AGAP1: variants seen among roughly 807,000 people sequenced by gnomAD.
AGAP1 encodes arf-GAP with GTPase, ANK repeat and PH domain-containing protein 1.
A neutral mutation model predicts 105.3 loss-of-function variants in AGAP1; 29 were observed. The observed-to-expected ratio is 0.28, with a 90% CI of 0.21 to 0.38. The LOEUF (loss-of-function observed/expected upper bound fraction) is 0.38. Ranked by LOEUF, AGAP1 falls within the 10% of genes least tolerant of loss-of-function variation. AGAP1 has a pLI of 1.00. For missense variants in AGAP1, 998 were observed against 1,165.1 expected (o/e 0.86, Z 2.09); for synonymous variants, 509 against 485.9 (o/e 1.05, Z -0.63).
chr2:235,589,766 A>G (rs560808574), intron 1 of AGAP1, among the ~76,000 whole-genome samples: 8 of 152,294 alleles, frequency 5.3e-5, no homozygotes, highest in African/African-American at 1.9e-4. Context: ...TTGTGTAGCC[A>G]GGAGAGCACG....
At chr2:235,738,520 C>A (rs2149648432) in intron 3 of AGAP1, among the ~76,000 whole-genome samples, 1 of 152,044 alleles carries the variant, frequency 6.6e-6, no homozygotes, top group Admixed American at 6.6e-5. Flanking sequence ...GAAAGAGGAA[C>A]AGATTTCCTT....
intron 2 of AGAP1, among the ~76,000 whole-genome samples, chr2:235,709,509 C>T (rs1217399690): frequency 7.3e-6 from 1 of 137,316 alleles, no homozygotes; most frequent in Non-Finnish European, 1.6e-5. Flanking sequence ...TCCTCTCTCT[C>T]ACATCTCGTG....
In AGAP1 at chr2:236,012,040, C is replaced by T. The variant is rs773652991; in HGVS notation, c.1646-24521C>T. On this transcript the variant is annotated intron_variant, in intron 13 of 17. Coordinates refer to ENST00000304032, the MANE Select transcript of AGAP1 (RefSeq NM_001037131.3). This position sits in a 1 kb window ranked among gnomAD's most constrained non-coding sequence, Gnocchi z 4.9. ...GGGAACTTAGAGCAATCAATGCCCC[C>T]GGAGACCGATGCACATATCAGGACC... Among the ~76,000 whole-genome samples, 4 of 152,170 alleles carry T rather than the reference C, an allele frequency of 2.6e-5. No homozygotes were observed. Among genetic ancestry groups the T allele is most frequent in the South Asian group, 2.1e-4 (1 of 4,800 alleles).
intron 9 of AGAP1, among the ~76,000 whole-genome samples, chr2:235,876,194 G>T: frequency 6.6e-6 from 1 of 151,992 alleles, no homozygotes; most frequent in East Asian, 1.9e-4. Context: ...GTTTTCCTAA[G>T]GTGAACATGA....
chr2:235,732,079 T>G lies in AGAP1; in HGVS notation c.311-8884T>G, dbSNP rs534327994. On this transcript the variant is annotated intron_variant, in intron 3 of 17. Transcript: ENST00000304032. The surrounding 1 kb of genome is among the most constrained non-coding windows in gnomAD (Gnocchi z 4.8). ...GTGAATCTGTGTCACATTTTCCTGGTGTATCGCGTGCACTTTTGATCTGCG... is the reference window on the plus strand; with the variant it reads ...GTGAATCTGTGTCACATTTTCCTGGGGTATCGCGTGCACTTTTGATCTGCG... Among the ~76,000 whole-genome samples the G allele has an allele frequency of 3.9e-5, 6 of 152,330 alleles. No homozygotes were observed. In the South Asian group the frequency reaches 1.2e-3, roughly 32 times the overall value.
At chr2:235,561,282 C>G (rs1056022696) in intron 1 of AGAP1, among the ~76,000 whole-genome samples, 2 of 152,120 alleles carry the variant, frequency 1.3e-5, no homozygotes, top group African/African-American at 4.8e-5. Context: ...TTAAACTGCC[C>G]ACAAACAAAT....
intron 1 of AGAP1, among the ~76,000 whole-genome samples, chr2:235,632,441 C>T (rs1249071359): frequency 2.0e-5 from 3 of 152,188 alleles, no homozygotes; most frequent in African/African-American, 4.8e-5. Context: ...TCGCCACGTC[C>T]ATTACGCTTG....
intron 1 of AGAP1, among the ~76,000 whole-genome samples, chr2:235,538,539 CTCTGCATAGGTT>C (rs141953148): frequency 0.01 from 1,540 of 151,652 alleles, 18 homozygotes; most frequent in African/African-American, 0.035. Context: ...CTGCACAGTT[CTCTGCATAGGTT>C]TCCGCACGCC....
rs1283741846 is a variant in AGAP1 at position 235,965,428 on chromosome 2, AGAAGCAATGGT to A, written c.1484-3029_1484-3019del. 6.6e-6 allele frequency among the ~76,000 whole-genome samples: 1 copy of A among 152,178 alleles called. No homozygotes were observed. The highest frequency in any genetic ancestry group is 2.4e-5 in the African/African-American group (1 of 41,444). On this transcript the variant is annotated intron_variant, in intron 12 of 17. Coordinates refer to ENST00000304032, the MANE Select transcript of AGAP1 (RefSeq NM_001037131.3). This position sits in a 1 kb window ranked among gnomAD's most constrained non-coding sequence, Gnocchi z 5.8. ...ACAGTGAAACAGTGTGCCGTTTTGA[AGAAGCAATGGT>A]GAAGGAAGCCAGACTTCAAGGAGTC...
Position 235,691,968 on chromosome 2 carries a change from C to T in AGAP1, c.164-17211C>T, listed in dbSNP as rs568879630. ...ATGTTTCAGAGAAATAACAGCATCA[C>T]GATAGCACATTCTCTAGTTGCTGGT... On this transcript the variant is annotated intron_variant, in intron 1 of 17. Coordinates refer to ENST00000304032, the MANE Select transcript of AGAP1 (RefSeq NM_001037131.3). The surrounding 1 kb of genome is among the most constrained non-coding windows in gnomAD (Gnocchi z 4.4). 5.9e-5 allele frequency among the ~76,000 whole-genome samples: 9 copies of T among 152,260 alleles called. No homozygotes were observed. Among genetic ancestry groups the T allele is most frequent in the Non-Finnish European group, 7.4e-5 (5 of 68,016 alleles).
At chr2:235,786,244 A>T (rs1213231819) in intron 6 of AGAP1, among the ~76,000 whole-genome samples, 1 of 152,200 alleles carries the variant, frequency 6.6e-6, no homozygotes, top group Non-Finnish European at 1.5e-5. Flanking sequence ...GTGAGAGAGA[A>T]AGTTAATCAT....
intron 6 of AGAP1, among the ~76,000 whole-genome samples, chr2:235,764,727 G>T (rs1178654204): frequency 7.4e-6 from 1 of 135,918 alleles, no homozygotes; most frequent in Non-Finnish European, 1.6e-5. Flanking sequence ...CCGTGGGGTG[G>T]GGGCATCTGG....
At chr2:236,039,645 G>A (rs1265654340) in intron 14 of AGAP1, among the ~76,000 whole-genome samples, 1 of 152,200 alleles carries the variant, frequency 6.6e-6, no homozygotes, top group African/African-American at 2.4e-5. Flanking sequence ...TCACTAAGTG[G>A]AATGCTATGC....
chr2:236,065,546 T>C (rs1394592169), intron 16 of AGAP1, among the ~76,000 whole-genome samples: 1 of 152,208 alleles, frequency 6.6e-6, no homozygotes, highest in Non-Finnish European at 1.5e-5. Flanking sequence ...TCGGCCAGCC[T>C]GTGGACAGTT....
At chr2:235,562,083 A>G (rs1944171612) in intron 1 of AGAP1, among the ~76,000 whole-genome samples, 1 of 152,164 alleles carries the variant, frequency 6.6e-6, no homozygotes, top group South Asian at 2.1e-4. Flanking sequence ...GTAGTGTTAC[A>G]CCTTTGCATG....
rs1483792784 is a variant in AGAP1, at chr2:236,012,880, G to A, written c.1646-23681G>A. Among the ~76,000 whole-genome samples, 1 of 152,098 alleles carries A rather than the reference G, an allele frequency of 6.6e-6. No homozygotes were observed. The highest frequency in any genetic ancestry group is 1.5e-5 in the Non-Finnish European group (1 of 68,032). On this transcript the variant is annotated intron_variant, in intron 13 of 17. Coordinates refer to ENST00000304032, the MANE Select transcript of AGAP1 (RefSeq NM_001037131.3). This position sits in a 1 kb window ranked among gnomAD's most constrained non-coding sequence, Gnocchi z 4.9. The stretch of plus-strand genomic sequence containing the variant: ...TGCAACCTCCGCCTCCAGAGTAGCT[G>A]GGATTATAGGCGTGCCCCACCATGC...
chr2:235,551,056 G>A lies in AGAP1; in HGVS notation c.163+56207G>A, dbSNP rs1382354333. Among the ~76,000 whole-genome samples the A allele has an allele frequency of 6.6e-6, 1 of 152,094 alleles. No homozygotes were observed. Among genetic ancestry groups the A allele is most frequent in the African/African-American group, 2.4e-5 (1 of 41,412 alleles). ...CTGAAAGTGCTGGGATTACAGGCGT[G>A]AGCCACCGCGCTCGGCCATAGATAG... On this transcript the variant is annotated intron_variant, in intron 1 of 17. Transcript: ENST00000304032. The surrounding 1 kb of genome is among the most constrained non-coding windows in gnomAD (Gnocchi z 4.8).
At chr2:235,852,737 G>C (rs2048526176) in intron 9 of AGAP1, 13 of 1,540,286 alleles carry the variant, frequency 8.4e-6, no homozygotes, top group African/African-American at 1.4e-5. Flanking sequence ...TCTCAGGCCT[G>C]CTGGAGCCCG....
At chr2:235,912,730 G>T (rs1462804311) in intron 11 of AGAP1, among the ~76,000 whole-genome samples, 3 of 152,094 alleles carry the variant, frequency 2.0e-5, no homozygotes, top group Non-Finnish European at 2.9e-5. Context: ...CTTCTAAAAG[G>T]TTTTACATGA....
Sources: gnomAD v4.1 joint callset for allele counts (sites outside exome capture counted in the v4.1 genomes callset) on GRCh38, gnomAD v4.1.1 for gene constraint, Gnocchi (gnomAD v3.1) non-coding constraint, MANE v1.5 for transcripts, NCBI Gene and HGNC (gene_info 2026-07-23, HGNC 2026-07-21) for gene names.